Variants in TMEM87B observed in about 807,000 individuals in gnomAD.
TMEM87B encodes transmembrane protein 87B.
Under a neutral mutation model 80.3 loss-of-function variants are expected in TMEM87B, and 83 were observed. The ratio of observed to expected loss-of-function variants is 1.03; its 90% CI spans 0.87 to 1.24. The LOEUF is 1.24. Ranked by LOEUF, TMEM87B falls within the 50% of genes most tolerant of loss-of-function variation. The pLI is 0.00. For synonymous variants in TMEM87B, 219 were observed against 230.5 expected (o/e 0.95, Z 0.45); for missense variants, 625 against 674.4 (o/e 0.93, Z 0.81).
At chr2:112,111,201 T>C (rs192703538) in intron 17 of TMEM87B, among the ~76,000 whole-genome samples, 1 of 152,370 alleles carries the variant, frequency 6.6e-6, no homozygotes. Flanking sequence ...AGTAATTTTA[T>C]GGTTTTTTGA....
At chr2:112,082,703 C>T (rs1317204293) in intron 8 of TMEM87B, among the ~76,000 whole-genome samples, 1 of 152,024 alleles carries the variant, frequency 6.6e-6, no homozygotes, top group East Asian at 1.9e-4. Context: ...CATGTGTGCT[C>T]TAAACCAGAT....
intron 8 of TMEM87B, among the ~76,000 whole-genome samples, chr2:112,084,848 G>A (rs1679098046): frequency 1.3e-5 from 2 of 152,174 alleles, no homozygotes; most frequent in Non-Finnish European, 2.9e-5. Context: ...TGTAGGTAGA[G>A]CAATCTTGAT....
At chr2:112,111,005 A>G (rs770794055) in intron 17 of TMEM87B, among the ~76,000 whole-genome samples, 2 of 151,956 alleles carry the variant, frequency 1.3e-5, no homozygotes, top group African/African-American at 4.8e-5. Flanking sequence ...CCACCCCTCT[A>G]CTATTTTTCC....
At chr2:112,056,238 AG>A (rs1466743753) in intron 1 of TMEM87B, among the ~76,000 whole-genome samples, 20 of 151,612 alleles carry the variant, frequency 1.3e-4, no homozygotes, top group East Asian at 3.9e-4. Flanking sequence ...AAAAAAAAAA[AG>A]AAAGAAAAAA....
Position 112,055,529 on chromosome 2 carries a change from G to T in TMEM87B, c.-63G>T. ...GATTCGGACCCGCCTGCCTGGGGCGGTGCTGCACCAGGTGCGGGTGTGGCA... is the reference window on the plus strand; with the variant it reads ...GATTCGGACCCGCCTGCCTGGGGCGTTGCTGCACCAGGTGCGGGTGTGGCA... On this transcript the variant is annotated 5_prime_UTR_variant, in exon 1 of 19. Coordinates refer to ENST00000283206, the MANE Select transcript of TMEM87B (RefSeq NM_032824.3). 1 of 1,439,840 alleles carries T rather than the reference G, an allele frequency of 6.9e-7. No individual in the cohort carries two copies. 89.2% of individuals were successfully genotyped at this position (1,439,840 alleles called of 1,614,324 possible).
chr2:112,074,853 C>A, intron 4 of TMEM87B, 59 bp from the exon 5 acceptor site: 2 of 1,448,894 alleles, frequency 1.4e-6, no homozygotes, highest in Non-Finnish European at 1.8e-6. Context: ...ATTATTAAAA[C>A]AATTTTTCTC....
At chr2:112,068,686 AGAGT>A (rs1356205689) in intron 4 of TMEM87B, among the ~76,000 whole-genome samples, 1 of 152,116 alleles carries the variant, frequency 6.6e-6, no homozygotes, top group African/African-American at 2.4e-5. Context: ...CCTGGGCAAC[AGAGT>A]GAGACTCCGT....
At chr2:112,071,335 T>A (rs1475162950) in intron 4 of TMEM87B, among the ~76,000 whole-genome samples, 1 of 27,708 alleles carries the variant, frequency 3.6e-5, no homozygotes, top group Non-Finnish European at 6.9e-5. Flanking sequence ...CACTGCCCAC[T>A]CTGTCATCCA....
In TMEM87B at chr2:112,091,034, A is replaced by G. The variant is rs1679282367; in HGVS notation, c.1033-678A>G. Among the ~76,000 whole-genome samples, 3 of 152,190 alleles carry G rather than the reference A, an allele frequency of 2.0e-5. No homozygotes were observed. In the South Asian group the frequency reaches 6.2e-4, roughly 31 times the overall value. ...TAATAAATACTTGCCAGAAGGAAATAGAAAAGATAAATATCCCACATGTAA... is the reference window on the plus strand; with the variant it reads ...TAATAAATACTTGCCAGAAGGAAATGGAAAAGATAAATATCCCACATGTAA... On this transcript the variant is annotated intron_variant, in intron 10 of 18. Coordinates refer to ENST00000283206, the MANE Select transcript of TMEM87B (RefSeq NM_032824.3).
chr2:112,072,895 CTTTTTTTTTTTT>C (rs71226782), intron 4 of TMEM87B, among the ~76,000 whole-genome samples: 1 of 83,014 alleles, frequency 1.2e-5, no homozygotes, highest in African/African-American at 5.0e-5. Context: ...AACTCTTCTT[CTTTTTTTTTTTT>C]TTTTTTTTTT....
intron 9 of TMEM87B, among the ~76,000 whole-genome samples, chr2:112,086,617 A>G (rs1290603806): frequency 3.3e-5 from 5 of 152,092 alleles, no homozygotes; most frequent in Admixed American, 6.5e-5. Context: ...GTGTTTTTTC[A>G]GACCTTTCTT....
intron 5 of TMEM87B, among the ~76,000 whole-genome samples, chr2:112,075,470 C>T (rs184985995): frequency 6.6e-6 from 1 of 152,280 alleles, no homozygotes; most frequent in Non-Finnish European, 1.5e-5. Flanking sequence ...CTAAAAATAT[C>T]CTTAAAGCAA....
At chr2:112,072,144 G>A (rs1678658112) in intron 4 of TMEM87B, among the ~76,000 whole-genome samples, 1 of 152,172 alleles carries the variant, frequency 6.6e-6, no homozygotes. Flanking sequence ...CTTGATCATG[G>A]TAGATTAACT....
chr2:112,082,511 A>G (rs975320737), intron 8 of TMEM87B, among the ~76,000 whole-genome samples: 11 of 152,206 alleles, frequency 7.2e-5, no homozygotes, highest in Admixed American at 2.6e-4. Flanking sequence ...CACAAGGGAA[A>G]TCATTATATT....
In TMEM87B at chr2:112,060,010, T is replaced by G; in HGVS notation, c.199T>G (p.Phe67Val). The part of the protein sequence containing the change: ...SGPLIFRKTM[F>V]NSTDIKLSVK... ...ACCTTTGATATTTAGGAAAACTATG[T>G]TTAACTCTACAGATATCAAGTTATC... The change falls in exon 2 of 19, where the codon TTT becomes GTT. Residue 67 changes from phenylalanine to valine, a missense_variant. By Grantham distance (50) the Phe-to-Val change is conservative (BLOSUM62 -1). Coordinates refer to ENST00000283206, the MANE Select transcript of TMEM87B (RefSeq NM_032824.3). The G allele has an allele frequency of 6.3e-7, 1 of 1,593,422 alleles. No homozygotes were observed.
At chr2:112,066,837 T>C (rs1362711614) in intron 3 of TMEM87B, 99 bp from the exon 4 acceptor site, 3 of 1,099,996 alleles carry the variant, frequency 2.7e-6, no homozygotes. Context: ...TATTTCAAAC[T>C]GAATATACTT....
rs1284585059 is a variant in TMEM87B at position 112,117,343 on chromosome 2, G to A, written c.*1200G>A. 1 of 152,136 alleles carries A rather than the reference G, an allele frequency of 6.6e-6. No individual in the cohort carries two copies. The highest frequency in any genetic ancestry group is 1.5e-5 in the Non-Finnish European group (1 of 68,028). The allele number at this position is 152,136 out of a possible 1,614,324, so 9.4% of individuals were successfully genotyped here. A position where few individuals can be genotyped will look rare whatever the true frequency, so the allele number is the denominator to read the frequency against. ...TGAAGGAGTTCTAACCTTGTAAATT[G>A]AGAATGACTTCAGAGAATTTTGATT... On this transcript the variant is annotated 3_prime_UTR_variant, in exon 19 of 19. Transcript: ENST00000283206.
intron 10 of TMEM87B, 141 bp from the exon 11 acceptor site, chr2:112,091,571 A>G (rs898637757): frequency 1.6e-6 from 1 of 642,752 alleles, no homozygotes; most frequent in Non-Finnish European, 2.7e-6. Flanking sequence ...CTTAAACACA[A>G]TCCTCTTAGG....
intron 15 of TMEM87B, among the ~76,000 whole-genome samples, chr2:112,101,932 T>A (rs1181785824): frequency 1.3e-5 from 2 of 152,134 alleles, no homozygotes; most frequent in African/African-American, 4.8e-5. Context: ...AAAATACATA[T>A]AACAACCCAA....
Sources: allele counts gnomAD v4.1 joint callset (sites outside exome capture counted in the v4.1 genomes callset), GRCh38; gene constraint gnomAD v4.1.1; transcripts MANE v1.5; gene names NCBI Gene and HGNC (gene_info 2026-07-23, HGNC 2026-07-21).